TCTN1: variants seen among roughly 807,000 people sequenced by gnomAD.
TCTN1 encodes the protein tectonic family member 1.
TCTN1 carries 58 observed loss-of-function variants against 65.8 expected under a neutral mutation model. The observed-to-expected ratio is 0.88, with a 90% CI of 0.71 to 1.10. The LOEUF is 1.10. TCTN1 is among the 50% of genes least tolerant of loss of function. The pLI is 0.00. For missense variants in TCTN1, 645 were observed against 719.4 expected (o/e 0.90, Z 1.18); for synonymous variants, 273 against 289.1 (o/e 0.94, Z 0.57).
intron 1 of TCTN1, among the ~76,000 whole-genome samples, chr12:110,615,265 T>C (rs540699715): frequency 6.6e-6 from 1 of 151,852 alleles, no homozygotes; most frequent in African/African-American, 2.4e-5. Flanking sequence ...AGCAAGACTG[T>C]CTCAAAAAAA....
At chr12:110,648,014 C>T (rs1285662033) in intron 14 of TCTN1, 121 bp downstream of exon 14, 3 of 1,452,452 alleles carry the variant, frequency 2.1e-6, no homozygotes, top group Non-Finnish European at 2.8e-6. Flanking sequence ...CTTTGTTGCC[C>T]AGGCTGGAGT....
chr12:110,622,084 C>A (rs1294171996), intron 2 of TCTN1, among the ~76,000 whole-genome samples: 1 of 151,646 alleles, frequency 6.6e-6, no homozygotes, highest in African/African-American at 2.4e-5. Flanking sequence ...GTTGCAGGAG[C>A]CAAGATCGCA....
rs2066873815 is a variant in TCTN1, at chr12:110,640,358, A to C, written c.844-25A>C. 1.2e-6 allele frequency: 2 copies of C among 1,614,066 alleles called. No individual in the cohort carries two copies. Among genetic ancestry groups the C allele is most frequent in the Non-Finnish European group, 8.5e-7 (1 of 1,179,984 alleles). Reference sequence around the variant, plus strand: ...CATCCTCCCTGGGTAGAGCATCTTCAACACTCCAGGTCTTCACTCTGCAGG... The same window carrying C: ...CATCCTCCCTGGGTAGAGCATCTTCCACACTCCAGGTCTTCACTCTGCAGG... On this transcript the variant is annotated intron_variant, in intron 7 of 14. Coordinates refer to ENST00000397659, the MANE Select transcript of TCTN1 (RefSeq NM_001082538.3). This position sits in a 1 kb window ranked among gnomAD's most constrained non-coding sequence, Gnocchi z 4.9.
chr12:110,635,332 G>A (rs762980444), intron 6 of TCTN1, among the ~76,000 whole-genome samples: 1 of 152,172 alleles, frequency 6.6e-6, no homozygotes, highest in Non-Finnish European at 1.5e-5. Flanking sequence ...ATGGAGGGTG[G>A]CAAGGGAAGA....
intron 1 of TCTN1, chr12:110,616,343 C>G: frequency 2.4e-6 from 1 of 410,188 alleles, no homozygotes; most frequent in South Asian, 1.7e-5. Context: ...CCTCGACCTC[C>G]TAGGCTCAGG....
intron 9 of TCTN1, 85 bp downstream of exon 9, chr12:110,641,234 A>G (rs557886507): frequency 6.3e-7 from 1 of 1,575,222 alleles, no homozygotes; most frequent in East Asian, 2.3e-5. Context: ...CTGAATTTCT[A>G]AGTATTACAT....
chr12:110,617,777 A>G (rs2065144722), intron 1 of TCTN1, among the ~76,000 whole-genome samples: 1 of 149,828 alleles, frequency 6.7e-6, no homozygotes, highest in African/African-American at 2.5e-5. Context: ...AGTAGCTGGG[A>G]CTACGGGTGT....
In TCTN1 at chr12:110,647,328, T is replaced by A. The variant is rs928189605; in HGVS notation, c.1627T>A (p.Phe543Ile). 1.2e-6 allele frequency: 2 copies of A among 1,614,104 alleles called. No individual in the cohort carries two copies. The highest frequency in any genetic ancestry group is 2.7e-5 in the African/African-American group (2 of 74,942). The change falls in exon 13 of 15, where the codon TTT becomes ATT. Residue 543 changes from phenylalanine (F) to isoleucine (I), a missense_variant. Phe to Ile is a conservative substitution (Grantham distance 21). Transcript: ENST00000397659. ...NVTANLISSS[F>I]PEANSGNERT... ...AACTGCAAATCTAATTTCATCCTCC[T>A]TTCCTGAGGTAGGCCTAACCTAGTT...
At position 110,640,994 on chromosome 12, in the gene TCTN1, G is replaced by A; in HGVS notation, c.979-30G>A. 1 of 1,614,066 alleles carries A rather than the reference G, an allele frequency of 6.2e-7. No individual in the cohort carries two copies. The highest frequency in any genetic ancestry group is 1.6e-4 in the Middle Eastern group (1 of 6,062). ...ACAGCTTCTGAAATGTAATGGAACA[G>A]GTATATTTGGAGTATCATTTTGTTT... is the stretch of plus-strand genomic sequence containing the variant. On this transcript the variant is annotated intron_variant, in intron 8 of 14. Coordinates refer to ENST00000397659, the MANE Select transcript of TCTN1 (RefSeq NM_001082538.3). The surrounding 1 kb of genome is among the most constrained non-coding windows in gnomAD (Gnocchi z 4.9).
In TCTN1 at chr12:110,644,471, T is replaced by G; in HGVS notation, c.1332-496T>G. The G allele has an allele frequency of 1.6e-5, 3 of 191,964 alleles. No homozygotes were observed. The highest frequency in any genetic ancestry group is 3.2e-5 in the Non-Finnish European group (3 of 92,832). 11.9% of individuals were successfully genotyped at this position (191,964 alleles called of 1,614,324 possible). On this transcript the variant is annotated intron_variant, in intron 11 of 14. Transcript: ENST00000397659. The surrounding 1 kb of genome is among the most constrained non-coding windows in gnomAD (Gnocchi z 4.6). ...TGGGCAGATCACCTGAGGTTGGGAG[T>G]TCGAGACCAGCCTGGCCAACATGGT...
chr12:110,641,965 G>C (rs978298329), intron 10 of TCTN1: 1 of 545,158 alleles, frequency 1.8e-6, no homozygotes, highest in Admixed American at 3.2e-5. Flanking sequence ...ACATTTAAAT[G>C]TTTTTAATTT....
intron 3 of TCTN1, among the ~76,000 whole-genome samples, chr12:110,627,160 C>T (rs1295494156): frequency 1.4e-5 from 2 of 146,202 alleles, no homozygotes; most frequent in Non-Finnish European, 3.0e-5. Flanking sequence ...AGCAGTGGCA[C>T]GTTCTCAGCT....
chr12:110,647,634 T>TATC (rs918591964), intron 13 of TCTN1, 115 bp from the exon 14 acceptor site: 1 of 1,499,736 alleles, frequency 6.7e-7, no homozygotes, highest in African/African-American at 1.4e-5. Flanking sequence ...CTCCAGGACC[T>TATC]ATCAGATTCA....
intron 4 of TCTN1, 31 bp downstream of exon 4, chr12:110,628,949 C>T: frequency 6.2e-7 from 1 of 1,611,648 alleles, no homozygotes; most frequent in Non-Finnish European, 8.5e-7. Context: ...TTCTTTTCAT[C>T]CCATCACAAA....
chr12:110,632,531 A>G lies in TCTN1; in HGVS notation c.684A>G (p.Ser228=), dbSNP rs1416720812. 1.2e-6 allele frequency: 2 copies of G among 1,614,016 alleles called. No homozygotes were observed. Among genetic ancestry groups the G allele is most frequent in the Non-Finnish European group, 1.7e-6 (2 of 1,179,940 alleles). Reference sequence around the variant, plus strand: ...TGAGATTTCCTTCGTCCCTGACATCATCTCTGTGCACTGATAATAACCCTG... The same window carrying G: ...TGAGATTTCCTTCGTCCCTGACATCGTCTCTGTGCACTGATAATAACCCTG... The part of the protein sequence containing the change: ...SFLRFPSSLT[S]SLCTDNNPAA... Residue 228 remains serine, a synonymous_variant, in exon 5 of 15, where the codon TCA becomes TCG. Transcript: ENST00000397659.
rs1228988444 is a variant in TCTN1, at chr12:110,647,862, G to T, written c.1749G>T (p.Leu583=). ...CTCCACCAGCCATCAATGCCAGGCT[G>T]CCCTTTAACTTCTTCTTCCCGTTTG... is the stretch of plus-strand genomic sequence containing the variant. ...FRAPPAINAR[L]PFNFFFPFV Residue 583 remains leucine, a synonymous_variant, in exon 14 of 15, where the codon CTG becomes CTT. Coordinates refer to ENST00000397659, the MANE Select transcript of TCTN1 (RefSeq NM_001082538.3). 1 of 1,613,962 alleles carries T rather than the reference G, an allele frequency of 6.2e-7. No individual in the cohort carries two copies. The highest frequency in any genetic ancestry group is 1.7e-5 in the Admixed American group (1 of 60,004).
At chr12:110,648,914 G>A in intron 14 of TCTN1, 129 bp from the exon 15 acceptor site, 1 of 408,142 alleles carries the variant, frequency 2.5e-6, no homozygotes, top group South Asian at 1.8e-5. Context: ...TGCAGCTGGG[G>A]CACACAGAGG....
At chr12:110,634,168 A>T (rs1372460704) in intron 5 of TCTN1, among the ~76,000 whole-genome samples, 1 of 152,210 alleles carries the variant, frequency 6.6e-6, no homozygotes, top group Non-Finnish European at 1.5e-5. Context: ...AAATAATAAT[A>T]AAAATATATG....
intron 6 of TCTN1, 96 bp from the exon 7 acceptor site, chr12:110,636,385 G>T (rs1227442412): frequency 3.6e-6 from 3 of 839,658 alleles, no homozygotes; most frequent in Non-Finnish European, 5.9e-6. Flanking sequence ...CCTTTAATAA[G>T]ATGAATATAC....
Sources: gnomAD v4.1 joint callset for allele counts (sites outside exome capture counted in the v4.1 genomes callset) on GRCh38, gnomAD v4.1.1 for gene constraint, Gnocchi (gnomAD v3.1) non-coding constraint, MANE v1.5 for transcripts, NCBI Gene and HGNC (gene_info 2026-07-23, HGNC 2026-07-21) for gene names.